Variants in IL10RA observed in about 807,000 individuals in gnomAD.
IL10RA encodes the protein interleukin 10 receptor subunit alpha, also known as interleukin-10 receptor subunit alpha.
In IL10RA, 18 loss-of-function variants were observed where a neutral mutation model predicts 29.6. That is an observed-to-expected ratio of 0.61 (90% CI 0.42 to 0.90). IL10RA has a LOEUF of 0.90. Ranked by LOEUF, IL10RA falls within the 40% of genes least tolerant of loss-of-function variation. The pLI is 0.00. For synonymous variants in IL10RA, 292 were observed against 294.1 expected (o/e 0.99, Z 0.07); for missense variants, 634 against 716.6 (o/e 0.88, Z 1.32).
chr11:117,989,369 TCTTGCGTCTCCCTTAAAGGAGGTA>T lies in IL10RA; in HGVS notation c.189-72_189-49del. On this transcript the variant is annotated intron_variant, in intron 2 of 6. Transcript: ENST00000227752. This position sits in a 1 kb window ranked among gnomAD's most constrained non-coding sequence, Gnocchi z 4.5. ...CAATGTGGGAGCTCTCTTCCTGGCC[TCTTGCGTCTCCCTTAAAGGAGGTA>T]GGATTGAGCACAAGCTCGTTTCCAG... 7.2e-7 allele frequency: 1 copy of T among 1,379,580 alleles called. No homozygotes were observed. Among genetic ancestry groups the T allele is most frequent in the African/African-American group, 1.4e-5 (1 of 70,380 alleles). The allele number at this position is 1,379,580 out of a possible 1,614,324, so 85.5% of individuals were successfully genotyped here. A position where few individuals can be genotyped will look rare whatever the true frequency, so the allele number is the denominator to read the frequency against.
chr11:118,001,717 T>G (rs990594159), downstream of IL10RA: 3 of 279,120 alleles, frequency 1.1e-5, no homozygotes, highest in African/African-American at 6.6e-5. Context: ...CACGTGGAGT[T>G]GACAACTCCC....
At chr11:117,988,347 C>T in intron 1 of IL10RA, 35 bp from the exon 2 acceptor site, 4 of 1,613,676 alleles carry the variant, frequency 2.5e-6, no homozygotes, top group East Asian at 2.2e-5. Flanking sequence ...GCCTGCCCCC[C>T]CTCCCAGCTG....
At position 118,001,081 on chromosome 11, in the gene IL10RA, A is replaced by G. The variant is rs2058092798; in HGVS notation, c.*1440A>G. 1 of 453,804 alleles carries G rather than the reference A, an allele frequency of 2.2e-6. No individual in the cohort carries two copies. Among genetic ancestry groups the G allele is most frequent in the Non-Finnish European group, 4.4e-6 (1 of 226,748 alleles). The allele number at this position is 453,804 out of a possible 1,614,324, so 28.1% of individuals were successfully genotyped here. The stretch of plus-strand genomic sequence containing the variant: ...CCCAGGGAATCCAGCCATGACCCCC[A>G]CCCCTCTGCCAAAGTACTCTTAGGT... On this transcript the variant is annotated 3_prime_UTR_variant, in exon 7 of 7. Coordinates refer to ENST00000227752, the MANE Select transcript of IL10RA (RefSeq NM_001558.4).
rs1238967159 is a variant in IL10RA at position 117,999,970 on chromosome 11, G to A, written c.*329G>A. 1 of 500,840 alleles carries A rather than the reference G, an allele frequency of 2.0e-6. No homozygotes were observed. Among genetic ancestry groups the A allele is most frequent in the Non-Finnish European group, 3.9e-6 (1 of 258,132 alleles). The allele number at this position is 500,840 out of a possible 1,614,324, so 31.0% of individuals were successfully genotyped here. On this transcript the variant is annotated 3_prime_UTR_variant, in exon 7 of 7. Transcript: ENST00000227752. ...TATCATAAAGGATTATTTGCTCAGG[G>A]GAACCATGGGGCTTTCTGGAGTTGT... is the stretch of plus-strand genomic sequence containing the variant.
rs779869516 is a variant in IL10RA at position 117,989,651 on chromosome 11, C to T, written c.367+31C>T. The T allele has an allele frequency of 6.2e-7, 1 of 1,604,890 alleles. No homozygotes were observed. Among genetic ancestry groups the T allele is most frequent in the Non-Finnish European group, 8.5e-7 (1 of 1,173,632 alleles). On this transcript the variant is annotated intron_variant, in intron 3 of 6. Coordinates refer to ENST00000227752, the MANE Select transcript of IL10RA (RefSeq NM_001558.4). This position sits in a 1 kb window ranked among gnomAD's most constrained non-coding sequence, Gnocchi z 4.5. ...TTTCCTCCCTTGACTTAGAACATGG[C>T]TCTGAAGTCCCTTCCAGCCAGGAAC...
intron 6 of IL10RA, 27 bp downstream of exon 6, chr11:117,995,737 C>T: frequency 6.2e-7 from 1 of 1,608,800 alleles, no homozygotes; most frequent in African/African-American, 1.3e-5. Context: ...GGTCACTGCC[C>T]CGTCCTTCCC....
chr11:117,989,450 T>G lies in IL10RA; in HGVS notation c.197T>G (p.Ile66Arg), dbSNP rs1171479455. ...ACCTGGTATCTCCTCAGGTATGGAA[T>G]AGAGTCCTGGAACTCCATCTCCAAC... ...CYEVALLRYG[I>R]ESWNSISNCS... The change falls in exon 3 of 7, where the codon ATA becomes AGA. Residue 66 changes from isoleucine (I) to arginine (R), a missense_variant. Physicochemically the swap from Ile to Arg is moderately conservative, Grantham distance 97. Coordinates refer to ENST00000227752, the MANE Select transcript of IL10RA (RefSeq NM_001558.4). This position sits in a 1 kb window ranked among gnomAD's most constrained non-coding sequence, Gnocchi z 4.5. The G allele has an allele frequency of 6.2e-7, 1 of 1,613,970 alleles. No individual in the cohort carries two copies. The highest frequency in any genetic ancestry group is 8.5e-7 in the Non-Finnish European group (1 of 1,179,920).
intron 3 of IL10RA, among the ~76,000 whole-genome samples, chr11:117,991,900 A>C (rs1314291413): frequency 1.3e-5 from 2 of 151,902 alleles, no homozygotes; most frequent in African/African-American, 4.8e-5. Context: ...ATGCCCGGCT[A>C]ATTTTTGTAT....
At position 117,994,049 on chromosome 11, in the gene IL10RA, A is replaced by G; in HGVS notation, c.588A>G (p.Gly196=). 1 of 1,614,016 alleles carries G rather than the reference A, an allele frequency of 6.2e-7. No homozygotes were observed. The highest frequency in any genetic ancestry group is 8.5e-7 in the Non-Finnish European group (1 of 1,179,874). The change falls in exon 5 of 7, where the codon GGA becomes GGG. Residue 196 remains glycine, a synonymous_variant. Coordinates refer to ENST00000227752, the MANE Select transcript of IL10RA (RefSeq NM_001558.4). ...KHENFSLLTS[G]EVGEFCVQVK... ...AAAACTTCAGCCTCCTAACCTCTGG[A>G]GAAGTGGGAGAGTTCTGTGTCCAGG...
chr11:117,988,260 C>A, intron 1 of IL10RA, 122 bp from the exon 2 acceptor site: 1 of 1,236,298 alleles, frequency 8.1e-7, no homozygotes, highest in Non-Finnish European at 1.2e-6. Flanking sequence ...CTGCCCCTTA[C>A]GGGCTCCGCT....
At chr11:117,987,411 C>T (rs921575509) in intron 1 of IL10RA, 1 of 158,030 alleles carries the variant, frequency 6.3e-6, no homozygotes, top group South Asian at 1.7e-4. Context: ...CAGAGTCCTC[C>T]CCCCCAAAAA....
Position 118,001,017 on chromosome 11 carries a change from C to G in IL10RA, c.*1376C>G, listed in dbSNP as rs751507453. ...CGTGCCATCCAGAGTCATCTCAGCCCTGCCTTTCTCTGGAGCATTCTGAAA... is the reference window on the plus strand; with the variant it reads ...CGTGCCATCCAGAGTCATCTCAGCCGTGCCTTTCTCTGGAGCATTCTGAAA... On this transcript the variant is annotated 3_prime_UTR_variant, in exon 7 of 7. Transcript: ENST00000227752. The G allele has an allele frequency of 4.4e-6, 2 of 454,252 alleles. No individual in the cohort carries two copies. Among genetic ancestry groups the G allele is most frequent in the African/African-American group, 2.0e-5 (1 of 50,134 alleles). The allele number at this position is 454,252 out of a possible 1,614,324, so 28.1% of individuals were successfully genotyped here.
At chr11:117,988,260 C>G in intron 1 of IL10RA, 122 bp from the exon 2 acceptor site, 1 of 1,236,308 alleles carries the variant, frequency 8.1e-7, no homozygotes, top group Non-Finnish European at 1.2e-6. Context: ...CTGCCCCTTA[C>G]GGGCTCCGCT....
chr11:117,998,328 T>C (rs905674034), intron 6 of IL10RA, among the ~76,000 whole-genome samples: 2 of 152,188 alleles, frequency 1.3e-5, no homozygotes, highest in Non-Finnish European at 2.9e-5. Flanking sequence ...TATATACAAG[T>C]CATTATGCAA....
In IL10RA at chr11:117,999,222, G is replaced by A. The variant is rs779845571; in HGVS notation, c.1318G>A (p.Ala440Thr). The change falls in exon 7 of 7, where the codon GCT (alanine) becomes ACT (threonine). Residue 440 changes from alanine (A) to threonine (T), a missense_variant. Coordinates refer to ENST00000227752, the MANE Select transcript of IL10RA (RefSeq NM_001558.4). The stretch of plus-strand genomic sequence containing the variant: ...GGTGCCTGGGGAAGAAGACCCAGCT[G>A]CTGTGGCATTCCAGGGTTACCTGAG... ...PEVPGEEDPA[A>T]VAFQGYLRQT... 9.9e-6 allele frequency: 16 copies of A among 1,614,144 alleles called. No homozygotes were observed. The highest frequency in any genetic ancestry group is 1.4e-5 in the Non-Finnish European group (16 of 1,180,054).
rs1156252826 is a variant in IL10RA at position 118,001,242 on chromosome 11, A to G, written c.*1601A>G. 1 of 453,996 alleles carries G rather than the reference A, an allele frequency of 2.2e-6. No homozygotes were observed. The highest frequency in any genetic ancestry group is 2.0e-5 in the African/African-American group (1 of 49,978). 28.1% of individuals were successfully genotyped at this position (453,996 alleles called of 1,614,324 possible). ...GCATTGCACAGTGAAAGAATTCTGG[A>G]TATCTCAGGAGCCCCGAAATTCTAG... On this transcript the variant is annotated 3_prime_UTR_variant, in exon 7 of 7. Coordinates refer to ENST00000227752, the MANE Select transcript of IL10RA (RefSeq NM_001558.4).
chr11:117,999,139 G>A lies in IL10RA; in HGVS notation c.1235G>A (p.Arg412Gln), dbSNP rs117423374. Residue 412 changes from arginine (R) to glutamine (Q), a missense_variant, in exon 7 of 7, where the codon CGG (arginine) becomes CAG (glutamine). Arg to Gln is a conservative substitution (Grantham distance 43, BLOSUM62 1). Coordinates refer to ENST00000227752, the MANE Select transcript of IL10RA (RefSeq NM_001558.4). ...GIDLVQNSEG[R>Q]AGDTQGGSAL... is the part of the protein sequence containing the mutation. ...GACTTAGTTCAAAACTCTGAGGGCC[G>A]GGCTGGGGACACACAGGGTGGCTCG... is the stretch of plus-strand genomic sequence containing the variant. 1,577 of 1,613,682 alleles carry A rather than the reference G, an allele frequency of 9.8e-4. 3 individuals carry two copies. Among genetic ancestry groups the A allele is most frequent in the Non-Finnish European group, 1.3e-3 (1,504 of 1,179,572 alleles).
In IL10RA at chr11:117,999,445, G is replaced by T; in HGVS notation, c.1541G>T (p.Gly514Val). The T allele has an allele frequency of 1.9e-6, 3 of 1,614,232 alleles. No homozygotes were observed. The South Asian group carries it at 3.3e-5, about 18-fold the overall frequency. Residue 514 changes from glycine to valine, a missense_variant, in exon 7 of 7, where the codon GGA becomes GTA. Transcript: ENST00000227752. ...CTGGCTTCCTCAGGGGCCCCAACGGGACAGTGGAACCAGCCCACTGAGGAA... is the reference window on the plus strand; with the variant it reads ...CTGGCTTCCTCAGGGGCCCCAACGGTACAGTGGAACCAGCCCACTGAGGAA... The part of the protein sequence containing the change: ...MTLASSGAPT[G>V]QWNQPTEEWS...
At chr11:117,987,096 C>T (rs1362840011) in intron 1 of IL10RA, 1 of 350,082 alleles carries the variant, frequency 2.9e-6, no homozygotes, top group Admixed American at 3.8e-5. Flanking sequence ...CTAACCCAGA[C>T]AGTTCTCCGG....
Sources: allele counts gnomAD v4.1 joint callset (sites outside exome capture counted in the v4.1 genomes callset), GRCh38; gene constraint gnomAD v4.1.1; non-coding constraint Gnocchi (gnomAD v3.1); transcripts MANE v1.5; gene names NCBI Gene and HGNC (gene_info 2026-07-23, HGNC 2026-07-21).